CSMD1: variants seen among roughly 807,000 people sequenced by gnomAD.
CSMD1 encodes CUB and Sushi multiple domains 1.
CSMD1 carries 213 observed loss-of-function variants against 417.5 expected under a neutral mutation model. The ratio of observed to expected loss-of-function variants is 0.51; its 90% CI spans 0.46 to 0.57. CSMD1 has a LOEUF of 0.57. Ranked by LOEUF, CSMD1 falls within the 20% of genes least tolerant of loss-of-function variation. The pLI is 0.00. For synonymous variants in CSMD1, 2,862 were observed against 1,736.8 expected (o/e 1.65, Z -16.11); for missense variants, 6,923 against 4,529.7 (o/e 1.53, Z -15.17).
At chr8:4,116,104 T>C (rs1033338073) in intron 3 of CSMD1, among the ~76,000 whole-genome samples, 2 of 151,864 alleles carry the variant, frequency 1.3e-5, no homozygotes, top group Non-Finnish European at 2.9e-5. Flanking sequence ...GTTCAAGCGA[T>C]TTTCCTACCT....
chr8:3,799,904 T>G (rs542370116), intron 5 of CSMD1, among the ~76,000 whole-genome samples: 20 of 152,258 alleles, frequency 1.3e-4, no homozygotes, highest in Middle Eastern at 6.8e-3. Flanking sequence ...AATTGAAAAA[T>G]TAATGCAACT....
intron 3 of CSMD1, among the ~76,000 whole-genome samples, chr8:4,184,765 T>C (rs1798569300): frequency 1.5e-5 from 1 of 67,886 alleles, no homozygotes; most frequent in Non-Finnish European, 3.0e-5. Flanking sequence ...ACCTGGGTGA[T>C]GAAATAATCT....
At chr8:4,044,249 C>T (rs774921306) in intron 3 of CSMD1, among the ~76,000 whole-genome samples, 7 of 152,064 alleles carry the variant, frequency 4.6e-5, no homozygotes, top group Non-Finnish European at 7.4e-5. Flanking sequence ...CTCATACTTC[C>T]TTATTGCAAA....
intron 5 of CSMD1, among the ~76,000 whole-genome samples, chr8:3,809,058 C>T (rs1800913001): frequency 2.0e-5 from 3 of 152,014 alleles, no homozygotes; most frequent in Admixed American, 2.0e-4. Flanking sequence ...TTCCAACAGC[C>T]CCTGGGGAAT....
At chr8:4,210,971 C>G (rs1051919927) in intron 3 of CSMD1, among the ~76,000 whole-genome samples, 1 of 152,254 alleles carries the variant, frequency 6.6e-6, no homozygotes, top group African/African-American at 2.4e-5. Flanking sequence ...ATGAAAAAAT[C>G]TCTTCAGGCA....
At chr8:3,023,160 C>T (rs1234550495) in intron 51 of CSMD1, among the ~76,000 whole-genome samples, 2 of 152,176 alleles carry the variant, frequency 1.3e-5, no homozygotes, top group Non-Finnish European at 2.9e-5. Context: ...GGCTCCCATA[C>T]GTTTAATGAT....
intron 12 of CSMD1, among the ~76,000 whole-genome samples, chr8:3,433,380 A>G (rs12544811): frequency 0.052 from 7,903 of 152,272 alleles, 271 homozygotes; most frequent in East Asian, 0.16. Context: ...TCTGCCTTTC[A>G]AAATGGGCAT....
chr8:3,078,146 G>A (rs937850898), intron 49 of CSMD1, among the ~76,000 whole-genome samples: 1 of 152,130 alleles, frequency 6.6e-6, no homozygotes, highest in Non-Finnish European at 1.5e-5. Flanking sequence ...TTATGCATAG[G>A]ACCCTTGATT....
At chr8:4,529,363 T>C (rs188085120) in intron 2 of CSMD1, among the ~76,000 whole-genome samples, 1 of 152,242 alleles carries the variant, frequency 6.6e-6, no homozygotes, top group Non-Finnish European at 1.5e-5. Flanking sequence ...GGCATTAATA[T>C]GTTTGCTCAA....
chr8:2,997,948 G>A, intron 54 of CSMD1, 63 bp downstream of exon 54: 2 of 1,473,106 alleles, frequency 1.4e-6, no homozygotes, highest in Non-Finnish European at 1.9e-6. Flanking sequence ...GCTCTTGATG[G>A]TGTTACTGGG....
intron 3 of CSMD1, among the ~76,000 whole-genome samples, chr8:4,070,051 A>G (rs1321087250): frequency 1.3e-5 from 2 of 152,056 alleles, no homozygotes; most frequent in African/African-American, 4.8e-5. Context: ...TGTTTTAACT[A>G]TACTTTTCGC....
At chr8:3,838,821 A>G (rs1802892895) in intron 5 of CSMD1, among the ~76,000 whole-genome samples, 1 of 100,494 alleles carries the variant, frequency 1.0e-5, no homozygotes, top group South Asian at 2.7e-4. Context: ...TATATATACT[A>G]TTAATATATA....
At chr8:3,841,719 C>G (rs1020280384) in intron 5 of CSMD1, among the ~76,000 whole-genome samples, 1 of 151,974 alleles carries the variant, frequency 6.6e-6, no homozygotes, top group African/African-American at 2.4e-5. Context: ...AATATCAAAA[C>G]TACAATAGTT....
intron 2 of CSMD1, among the ~76,000 whole-genome samples, chr8:4,451,020 G>A (rs1226738678): frequency 2.0e-5 from 2 of 100,872 alleles, no homozygotes; most frequent in African/African-American, 1.0e-4. Context: ...ACCAACGTGG[G>A]GAAAAAAAAA....
chr8:4,534,259 G>A (rs560743438), intron 2 of CSMD1, among the ~76,000 whole-genome samples: 10 of 152,304 alleles, frequency 6.6e-5, no homozygotes, highest in African/African-American at 2.4e-4. Context: ...CAAGGATGCT[G>A]AAGGACGCCC....
At chr8:4,692,884 C>T (rs1163291313) in intron 1 of CSMD1, among the ~76,000 whole-genome samples, 4 of 152,226 alleles carry the variant, frequency 2.6e-5, no homozygotes, top group Non-Finnish European at 5.9e-5. Flanking sequence ...CTATGGTATT[C>T]TTCTGACTTA....
At chr8:3,340,519 G>A (rs1047372848) in intron 23 of CSMD1, among the ~76,000 whole-genome samples, 1 of 152,022 alleles carries the variant, frequency 6.6e-6, no homozygotes, top group African/African-American at 2.4e-5. Flanking sequence ...ACTATCAAGA[G>A]GCAATTACAA....
At chr8:3,971,552 T>C (rs1010178494) in intron 5 of CSMD1, among the ~76,000 whole-genome samples, 1 of 152,194 alleles carries the variant, frequency 6.6e-6, no homozygotes, top group African/African-American at 2.4e-5. Context: ...TCAAAGTCAA[T>C]GAAAAATTAA....
intron 12 of CSMD1, among the ~76,000 whole-genome samples, chr8:3,441,095 G>A (rs1216959994): frequency 6.6e-6 from 1 of 152,156 alleles, no homozygotes; most frequent in Non-Finnish European, 1.5e-5. Context: ...AGAAACATGT[G>A]ATATGAAGAC....
Sources: gnomAD v4.1 joint callset for allele counts (sites outside exome capture counted in the v4.1 genomes callset) on GRCh38, gnomAD v4.1.1 for gene constraint, MANE v1.5 for transcripts, NCBI Gene and HGNC (gene_info 2026-07-23, HGNC 2026-07-21) for gene names.